ZNF804B: variants seen among roughly 807,000 people sequenced by gnomAD.
ZNF804B encodes zinc finger 804B.
A neutral mutation model predicts 101.4 loss-of-function variants in ZNF804B; 80 were observed. That is an observed-to-expected ratio of 0.79 (90% CI 0.66 to 0.95). The LOEUF (loss-of-function observed/expected upper bound fraction) is 0.95, where lower values mean the gene tolerates loss of function less well. ZNF804B is among the 40% of genes least tolerant of loss of function. The probability of loss-of-function intolerance (pLI) is 0.00; values close to 1 mark genes in which losing one functional copy is unlikely to be tolerated. For synonymous variants in ZNF804B, 622 were observed against 558.8 expected, an observed-to-expected ratio of 1.11 and a Z score of -1.59; for missense variants, 1,673 against 1,561.9, an observed-to-expected ratio of 1.07 and a Z score of -1.20.
intron 1 of ZNF804B, among the ~76,000 whole-genome samples, chr7:88,796,183 A>G (rs1389424546): frequency 6.6e-6 from 1 of 152,110 alleles, no homozygotes. Flanking sequence ...CATCCACATG[A>G]GTTCTAAACA....
At chr7:89,108,909 ATTAG>A (rs1170182356) in intron 1 of ZNF804B, among the ~76,000 whole-genome samples, 1 of 152,096 alleles carries the variant, frequency 6.6e-6, no homozygotes, top group East Asian at 1.9e-4. Flanking sequence ...AGAAAAGAAA[ATTAG>A]TTCCTGAATT....
chr7:88,791,416 A>C (rs1455077568), intron 1 of ZNF804B, among the ~76,000 whole-genome samples: 2 of 152,148 alleles, frequency 1.3e-5, no homozygotes, highest in African/African-American at 4.8e-5. Flanking sequence ...TTTCATAGTG[A>C]GCCTTCATGA....
intron 1 of ZNF804B, among the ~76,000 whole-genome samples, chr7:89,034,143 T>G (rs1410681401): frequency 1.3e-5 from 2 of 152,190 alleles, no homozygotes; most frequent in Non-Finnish European, 2.9e-5. Flanking sequence ...ATTCACTTAA[T>G]AAGCATTTAT....
At chr7:89,162,688 T>C (rs1791085006) in intron 1 of ZNF804B, among the ~76,000 whole-genome samples, 1 of 151,104 alleles carries the variant, frequency 6.6e-6, no homozygotes, top group Non-Finnish European at 1.5e-5. Context: ...AGTTTTAGGG[T>C]ACATGTGCAC....
intron 1 of ZNF804B, among the ~76,000 whole-genome samples, chr7:88,805,566 T>C (rs1470404775): frequency 6.6e-6 from 1 of 152,228 alleles, no homozygotes; most frequent in East Asian, 1.9e-4. Flanking sequence ...GAGAGACTTA[T>C]GTATCACTGT....
In ZNF804B at chr7:89,220,090, TAC is replaced by T. The variant is rs1311074326; in HGVS notation, c.249+1796_249+1797del. Reference sequence around the variant, plus strand: ...ACATATATGTGTATATACATATATATACGCACATATATATGTGTGTATATACA... The same window carrying T: ...ACATATATGTGTATATACATATATATGCACATATATATGTGTGTATATACA... On this transcript the variant is annotated intron_variant, in intron 2 of 3. Transcript: ENST00000333190. Among the ~76,000 whole-genome samples, 202 of 111,918 alleles carry T rather than the reference TAC, an allele frequency of 1.8e-3. 16 individuals carry two copies. The highest frequency in any genetic ancestry group is 7.5e-3 in the African/African-American group (187 of 24,982). The allele number at this position is 111,918 out of a possible 152,430, so 73.4% of individuals were successfully genotyped here. A position where few individuals can be genotyped will look rare whatever the true frequency, so the allele number is the denominator to read the frequency against.
intron 1 of ZNF804B, among the ~76,000 whole-genome samples, chr7:89,134,831 T>A (rs1202223647): frequency 1.3e-5 from 2 of 151,190 alleles, no homozygotes; most frequent in Non-Finnish European, 3.0e-5. Context: ...GTTTTTTTTT[T>A]AACCGTCTTT....
intron 1 of ZNF804B, among the ~76,000 whole-genome samples, chr7:89,106,614 C>A (rs992458804): frequency 6.6e-6 from 1 of 152,086 alleles, no homozygotes; most frequent in Non-Finnish European, 1.5e-5. Context: ...AGAAGCCATT[C>A]TTTAAGAAAG....
chr7:89,284,231 C>T (rs1790144676), intron 2 of ZNF804B, among the ~76,000 whole-genome samples: 1 of 152,130 alleles, frequency 6.6e-6, no homozygotes, highest in Non-Finnish European at 1.5e-5. Context: ...TGTAAGTATC[C>T]ACTTAAAAAT....
chr7:89,088,945 T>A (rs1386828118), intron 1 of ZNF804B, among the ~76,000 whole-genome samples: 1 of 152,000 alleles, frequency 6.6e-6, no homozygotes. Flanking sequence ...AAGGCTCTCC[T>A]TCTTTATATT....
chr7:89,016,119 G>C (rs1194843613), intron 1 of ZNF804B, among the ~76,000 whole-genome samples: 1 of 151,950 alleles, frequency 6.6e-6, no homozygotes, highest in Non-Finnish European at 1.5e-5. Flanking sequence ...GTGTTTTTTG[G>C]CTGCATAAAT....
At chr7:89,008,747 G>T (rs1386324080) in intron 1 of ZNF804B, among the ~76,000 whole-genome samples, 1 of 152,072 alleles carries the variant, frequency 6.6e-6, no homozygotes, top group Non-Finnish European at 1.5e-5. Flanking sequence ...TTCACTCAGA[G>T]CACTGCTCAT....
At chr7:88,940,768 AAATAAT>A (rs71120045) in intron 1 of ZNF804B, among the ~76,000 whole-genome samples, 6,947 of 139,444 alleles carry the variant, frequency 0.05, 497 homozygotes, top group African/African-American at 0.16. Context: ...ACCCTATTTA[AAATAAT>A]AATAATAATA....
At position 89,334,169 on chromosome 7, in the gene ZNF804B, A is replaced by C; in HGVS notation, c.1187A>C (p.Lys396Thr). 6.2e-7 allele frequency: 1 copy of C among 1,613,640 alleles called. No homozygotes were observed. The highest frequency in any genetic ancestry group is 8.5e-7 in the Non-Finnish European group (1 of 1,179,848). ...EFSSLEPSEQ[K>T]STVHLNPNSR... ...TCATCACTGGAGCCAAGTGAACAAA[A>C]GAGTACAGTGCATCTGAATCCAAAT... Residue 396 changes from lysine (K) to threonine (T), a missense_variant, in exon 4 of 4, where the codon AAG becomes ACG. Physicochemically the swap from Lys to Thr is moderately conservative, Grantham distance 78 (BLOSUM62 -1). Transcript: ENST00000333190.
At chr7:88,962,758 T>C (rs1793407102) in intron 1 of ZNF804B, among the ~76,000 whole-genome samples, 1 of 140,878 alleles carries the variant, frequency 7.1e-6, no homozygotes, top group Non-Finnish European at 1.6e-5. Context: ...TGAATACGTA[T>C]TTATATAATT....
intron 2 of ZNF804B, among the ~76,000 whole-genome samples, chr7:89,285,522 C>CAAAAAA (rs778078214): frequency 0.03 from 670 of 22,286 alleles, 89 homozygotes; most frequent in Non-Finnish European, 0.038. Context: ...GACTCTGTCT[C>CAAAAAA]AAAAAAAAAA....
chr7:89,330,069 T>C (rs1304872552), intron 3 of ZNF804B, among the ~76,000 whole-genome samples: 1 of 151,634 alleles, frequency 6.6e-6, no homozygotes, highest in Non-Finnish European at 1.5e-5. Context: ...AACCAAACTC[T>C]ACAGACACTT....
At chr7:88,775,985 G>C (rs968744199) in intron 1 of ZNF804B, among the ~76,000 whole-genome samples, 7 of 152,188 alleles carry the variant, frequency 4.6e-5, no homozygotes, top group Non-Finnish European at 8.8e-5. Context: ...ACAGAGAGGT[G>C]CTTACAGGTA....
At chr7:89,317,731 T>G (rs1368109279) in intron 2 of ZNF804B, among the ~76,000 whole-genome samples, 2 of 152,190 alleles carry the variant, frequency 1.3e-5, no homozygotes, top group African/African-American at 4.8e-5. Context: ...TCTCATCCAG[T>G]CTTTACTGAT....
Sources: gnomAD v4.1 joint callset for allele counts (sites outside exome capture counted in the v4.1 genomes callset) on GRCh38, gnomAD v4.1.1 for gene constraint, MANE v1.5 for transcripts, NCBI Gene and HGNC (gene_info 2026-07-23, HGNC 2026-07-21) for gene names.